C4orf17: variants seen among roughly 807,000 people sequenced by gnomAD.
The protein encoded by C4orf17 is uncharacterized protein C4orf17.
C4orf17 carries 25 observed loss-of-function variants against 32.0 expected under a neutral mutation model. That is an observed-to-expected ratio of 0.78 (90% CI 0.57 to 1.09). The LOEUF (loss-of-function observed/expected upper bound fraction) is 1.09, where lower values mean the gene tolerates loss of function less well. Among genes scored for constraint, C4orf17 ranks in the 50% least tolerant of loss-of-function variants. The probability of loss-of-function intolerance (pLI) is 0.00; values close to 1 mark genes in which losing one functional copy is unlikely to be tolerated. For synonymous variants in C4orf17, 149 were observed against 145.8 expected, an observed-to-expected ratio of 1.02 and a Z score of -0.16; for missense variants, 420 against 420.0, an observed-to-expected ratio of 1.00 and a Z score of 0.00.
intron 8 of C4orf17, 61 bp from the exon 9 acceptor site, chr4:99,541,849 T>G: frequency 1.7e-6 from 2 of 1,181,968 alleles, no homozygotes; most frequent in Non-Finnish European, 2.4e-6. Context: ...TACTAAAACA[T>G]GGAGAAGGTG....
At chr4:99,520,089 ATTT>A (rs33976011) in intron 2 of C4orf17, among the ~76,000 whole-genome samples, 1 of 139,638 alleles carries the variant, frequency 7.2e-6, no homozygotes, top group Non-Finnish European at 1.5e-5. Flanking sequence ...CCCACATTTA[ATTT>A]TTTTTTTTTT....
At chr4:99,522,373 G>T in intron 2 of C4orf17, 127 bp from the exon 3 acceptor site, 11 of 722,556 alleles carry the variant, frequency 1.5e-5, no homozygotes, top group South Asian at 4.0e-5. Flanking sequence ...TATACAATTT[G>T]AAGTTCAACA....
At position 99,522,670 on chromosome 4, in the gene C4orf17, GC is replaced by G. The variant is rs1723312363; in HGVS notation, c.302del (p.Pro101GlnfsTer30). ...QESPVRGMSP[A>X]PNGAKVPPRP... ...GAGCCCTGTAAGAGGAATGTCGCCA[GC>G]CCCAAACGGTGCCAAAGTGCCTCCA... On this transcript the variant is annotated frameshift_variant, in exon 3 of 9. Transcript: ENST00000326581. LOFTEE classifies it high-confidence loss of function. The G allele has an allele frequency of 6.2e-7, 1 of 1,613,840 alleles. No homozygotes were observed. Among genetic ancestry groups the G allele is most frequent in the African/African-American group, 1.3e-5 (1 of 74,900 alleles).
intron 1 of C4orf17, among the ~76,000 whole-genome samples, chr4:99,512,420 C>T (rs554264280): frequency 4.9e-4 from 75 of 152,254 alleles, no homozygotes; most frequent in Non-Finnish European, 9.7e-4. Context: ...AAAATGTTAA[C>T]TGTTACTCAA....
intron 8 of C4orf17, chr4:99,541,703 C>A: frequency 1.9e-6 from 1 of 516,916 alleles, no homozygotes; most frequent in East Asian, 3.5e-5. Flanking sequence ...GGAACATATC[C>A]TGCATGTTAC....
At chr4:99,517,055 CT>C (rs1723200174) in intron 2 of C4orf17, among the ~76,000 whole-genome samples, 1 of 152,180 alleles carries the variant, frequency 6.6e-6, no homozygotes, top group Non-Finnish European at 1.5e-5. Flanking sequence ...TTTAAAAGCG[CT>C]TCTCTCTGTC....
intron 6 of C4orf17, among the ~76,000 whole-genome samples, chr4:99,538,190 C>T (rs567160352): frequency 6.6e-6 from 1 of 152,216 alleles, no homozygotes; most frequent in African/African-American, 2.4e-5. Flanking sequence ...CCAGCAAAAC[C>T]ATCAACTCAG....
Position 99,539,329 on chromosome 4 carries a change from A to G in C4orf17, c.795A>G (p.Ser265=), listed in dbSNP as rs1723615906. Residue 265 remains serine, a synonymous_variant, in exon 7 of 9, where the codon TCA becomes TCG. Coordinates refer to ENST00000326581, the MANE Select transcript of C4orf17 (RefSeq NM_032149.3). ...VKLPPNFTAK[S]KVLTRDTEGD... is the part of the protein sequence containing the mutation. ...TGCCCCCAAATTTTACTGCAAAATC[A>G]AAAGTGCTGACCAGAGATACAGAAG... 1 of 1,613,944 alleles carries G rather than the reference A, an allele frequency of 6.2e-7. No individual in the cohort carries two copies.
intron 4 of C4orf17, among the ~76,000 whole-genome samples, chr4:99,528,456 G>A (rs1406648387): frequency 6.6e-6 from 1 of 151,930 alleles, no homozygotes; most frequent in Admixed American, 6.6e-5. Context: ...GATTGCTTTA[G>A]CCACTCTCAC....
intron 1 of C4orf17, among the ~76,000 whole-genome samples, chr4:99,511,974 C>T (rs1053385111): frequency 6.6e-5 from 10 of 152,092 alleles, no homozygotes; most frequent in African/African-American, 2.4e-4. Context: ...GGCAACAAGT[C>T]TGGGAATTTA....
At chr4:99,537,558 A>T in intron 5 of C4orf17, 111 bp from the exon 6 acceptor site, 1 of 764,656 alleles carries the variant, frequency 1.3e-6, no homozygotes, top group South Asian at 1.5e-5. Flanking sequence ...TAAATTGCAC[A>T]TCATATACAA....
intron 5 of C4orf17, 118 bp downstream of exon 5, chr4:99,530,076 T>A: frequency 1.3e-6 from 1 of 774,028 alleles, no homozygotes; most frequent in Non-Finnish European, 2.0e-6. Context: ...TGAATTGATT[T>A]AAGACTGCTT....
At chr4:99,516,930 T>C (rs1045641850) in intron 2 of C4orf17, among the ~76,000 whole-genome samples, 1 of 152,198 alleles carries the variant, frequency 6.6e-6, no homozygotes, top group Non-Finnish European at 1.5e-5. Flanking sequence ...GTTGCCACTA[T>C]CCTTCAGTTA....
chr4:99,519,004 T>G (rs1723242780), intron 2 of C4orf17, among the ~76,000 whole-genome samples: 1 of 152,066 alleles, frequency 6.6e-6, no homozygotes, highest in East Asian at 1.9e-4. Context: ...AGGTGGAGAT[T>G]TGTGTGAAGG....
At chr4:99,520,146 G>C (rs1028240668) in intron 2 of C4orf17, among the ~76,000 whole-genome samples, 5 of 148,378 alleles carry the variant, frequency 3.4e-5, no homozygotes, top group Non-Finnish European at 7.4e-5. Flanking sequence ...CCGGACTGCA[G>C]TGGTGCTATC....
At chr4:99,533,721 G>A (rs1723513889) in intron 5 of C4orf17, among the ~76,000 whole-genome samples, 1 of 152,160 alleles carries the variant, frequency 6.6e-6, no homozygotes, top group South Asian at 2.1e-4. Context: ...ACCTGGTAAG[G>A]AGAGATAATG....
rs1353184785 is a variant in C4orf17 at position 99,541,902 on chromosome 4, T to C, written c.881-8T>C. 2 of 1,603,354 alleles carry C rather than the reference T, an allele frequency of 1.2e-6. No individual in the cohort carries two copies. Among genetic ancestry groups the C allele is most frequent in the Non-Finnish European group, 1.7e-6 (2 of 1,174,018 alleles). On this transcript the variant is annotated splice_polypyrimidine_tract_variant and splice_region_variant and intron_variant, in intron 8 of 8. Transcript: ENST00000326581. The stretch of plus-strand genomic sequence containing the variant: ...ATGGTCTTATTTAGATTTTTTTCTC[T>C]ATTTCAGAGGCTGAGCACAAGCCTC...
chr4:99,539,346 A>G lies in C4orf17; in HGVS notation c.812A>G (p.Asp271Gly). The G allele has an allele frequency of 6.2e-7, 1 of 1,614,086 alleles. No individual in the cohort carries two copies. The highest frequency in any genetic ancestry group is 1.1e-5 in the South Asian group (1 of 91,078). The change falls in exon 7 of 9, where the codon GAT becomes GGT. Residue 271 changes from aspartate (D) to glycine (G), a missense_variant. By Grantham distance (94) the Asp-to-Gly change is moderately conservative (BLOSUM62 -1). Transcript: ENST00000326581. ...FTAKSKVLTR[D>G]TEGDQPTRVS... Reference sequence around the variant, plus strand: ...GCAAAATCAAAAGTGCTGACCAGAGATACAGAAGGGGATCAACCAACCAGG... The same window carrying G: ...GCAAAATCAAAAGTGCTGACCAGAGGTACAGAAGGGGATCAACCAACCAGG...
At chr4:99,532,377 ATGG>A (rs1723490772) in intron 5 of C4orf17, among the ~76,000 whole-genome samples, 2 of 152,298 alleles carry the variant, frequency 1.3e-5, no homozygotes, top group Non-Finnish European at 2.9e-5. Flanking sequence ...GCCATAAAAT[ATGG>A]AATAATACAT....
Sources: gnomAD v4.1 joint callset for allele counts (sites outside exome capture counted in the v4.1 genomes callset) on GRCh38, gnomAD v4.1.1 for gene constraint, MANE v1.5 for transcripts, NCBI Gene and HGNC (gene_info 2026-07-23, HGNC 2026-07-21) for gene names.